ANKRD26: variants seen among roughly 807,000 people sequenced by gnomAD.
ANKRD26 encodes the protein ankyrin repeat domain 26, also known as ankyrin repeat domain-containing protein 26.
In ANKRD26, 141 loss-of-function variants were observed where a neutral mutation model predicts 208.7. The ratio of observed to expected loss-of-function variants is 0.68; its 90% CI spans 0.59 to 0.78. ANKRD26 has a LOEUF of 0.78. Among genes scored for constraint, ANKRD26 ranks in the 30% least tolerant of loss-of-function variants. The probability of loss-of-function intolerance (pLI) is 0.00; values close to 1 mark genes in which losing one functional copy is unlikely to be tolerated. For synonymous variants in ANKRD26, 636 were observed against 660.4 expected, an observed-to-expected ratio of 0.96 and a Z score of 0.57; for missense variants, 1,889 against 1,938.7, an observed-to-expected ratio of 0.97 and a Z score of 0.48.
At chr10:27,071,149 T>C (rs1360627132) in intron 9 of ANKRD26, among the ~76,000 whole-genome samples, 3 of 150,472 alleles carry the variant, frequency 2.0e-5, no homozygotes, top group Admixed American at 1.3e-4. Context: ...AATAAACAAT[T>C]GCTACATTCA....
chr10:27,014,758 A>G (rs755508253), intron 30 of ANKRD26, 47 bp from the exon 31 acceptor site: 3 of 1,507,018 alleles, frequency 2.0e-6, no homozygotes, highest in Non-Finnish European at 2.7e-6. Context: ...TAACCTGAGT[A>G]AGACCATGGT....
At chr10:26,983,934 C>A (rs187083475) in intron 3 of ANKRD26, among the ~76,000 whole-genome samples, 3 of 152,242 alleles carry the variant, frequency 2.0e-5, no homozygotes, top group Admixed American at 2.0e-4. Flanking sequence ...TCATGACAGG[C>A]TGGAGCCACT....
chr10:26,985,561 T>C (rs1000599181), intron 3 of ANKRD26, among the ~76,000 whole-genome samples: 9 of 152,200 alleles, frequency 5.9e-5, no homozygotes, highest in African/African-American at 2.2e-4. Context: ...GCTGGTGGCT[T>C]AAATTCTGCT....
At chr10:26,978,953 T>C (rs972549576) in intron 5 of ANKRD26, among the ~76,000 whole-genome samples, 4 of 152,208 alleles carry the variant, frequency 2.6e-5, no homozygotes, top group African/African-American at 9.6e-5. Context: ...CCGGGCGCGA[T>C]GGCTCAAGCC....
At position 27,006,951 on chromosome 10, in the gene ANKRD26, C is replaced by A. The variant is rs770213821; in HGVS notation, c.4965G>T (p.Glu1655Asp). The change falls in exon 33 of 34, where the codon GAG becomes GAT. Residue 1655 changes from glutamate (E) to aspartate (D), a missense_variant. By Grantham distance (45) the Glu-to-Asp change is conservative. This residue lies in a region of ANKRD26 where 613 missense variants were observed against 648.2 expected (regional missense o/e 0.95). Transcript: ENST00000376087. ...MENYLSKMQQELEKNITRELK... is the reference protein window; with the variant it reads ...MENYLSKMQQDLEKNITRELK... ...GTTCTCTAGTTATATTTTTTTCCAA[C>A]TCCTGCTGCATCTGAAAAAAGTCAA... is the stretch of plus-strand genomic sequence containing the variant. 2 of 1,609,900 alleles carry A rather than the reference C, an allele frequency of 1.2e-6. No individual in the cohort carries two copies. Among genetic ancestry groups the A allele is most frequent in the Non-Finnish European group, 1.7e-6 (2 of 1,177,244 alleles).
chr10:27,006,160 C>T (rs2052871610), intron 33 of ANKRD26, among the ~76,000 whole-genome samples: 2 of 152,174 alleles, frequency 1.3e-5, no homozygotes, highest in South Asian at 2.1e-4. Context: ...GAGTCAATAA[C>T]GTAGGCTTTT....
chr10:27,028,790 C>T, intron 27 of ANKRD26, 62 bp downstream of exon 27: 1 of 1,352,860 alleles, frequency 7.4e-7, no homozygotes, highest in Admixed American at 1.7e-5. Context: ...GGATACTCAA[C>T]TTGTCCTACT....
downstream of ANKRD26, among the ~76,000 whole-genome samples, chr10:26,968,797 G>A (rs1332051751): frequency 6.6e-6 from 1 of 152,078 alleles, no homozygotes; most frequent in Non-Finnish European, 1.5e-5. Context: ...ACCCTAAGTT[G>A]CTTTTTATTA....
At chr10:27,058,370 C>G (rs774544297) in intron 15 of ANKRD26, among the ~76,000 whole-genome samples, 1 of 152,078 alleles carries the variant, frequency 6.6e-6, no homozygotes, top group Non-Finnish European at 1.5e-5. Context: ...TAGACTTTTT[C>G]GAAGCTAGGA....
Position 27,058,581 on chromosome 10 carries a change from G to A in ANKRD26, c.1564+1764C>T, listed in dbSNP as rs558059052. ...TCATTTCAAAAATGAACTCCACCAT[G>A]ATTTTTTTTTTTTTCAGACCAGTCT... On this transcript the variant is annotated intron_variant, in intron 15 of 33. Transcript: ENST00000376087. 6.8e-5 allele frequency among the ~76,000 whole-genome samples: 10 copies of A among 147,008 alleles called. No individual in the cohort carries two copies. In the South Asian group the frequency reaches 1.9e-3, roughly 28 times the overall value.
At chr10:27,045,880 C>T (rs913143737) in intron 18 of ANKRD26, among the ~76,000 whole-genome samples, 5 of 152,130 alleles carry the variant, frequency 3.3e-5, no homozygotes, top group African/African-American at 1.2e-4. Flanking sequence ...CAAAAAACTA[C>T]ATTAATAGAA....
At chr10:27,012,550 C>T (rs750690783) in intron 32 of ANKRD26, among the ~76,000 whole-genome samples, 2 of 152,098 alleles carry the variant, frequency 1.3e-5, no homozygotes, top group African/African-American at 2.4e-5. Flanking sequence ...CATGGTGGCT[C>T]ACACCTGTAA....
In ANKRD26 at chr10:27,037,360, T is replaced by G. The variant is rs778571354; in HGVS notation, c.2560-37A>C. 4.3e-6 allele frequency: 7 copies of G among 1,611,200 alleles called. No homozygotes were observed. In the Admixed American group the frequency reaches 1.2e-4, roughly 27 times the overall value. On this transcript the variant is annotated intron_variant, in intron 22 of 33. Coordinates refer to ENST00000376087, the MANE Select transcript of ANKRD26 (RefSeq NM_014915.3). ...TTAAGTTTTAGGTCTATTAGCATTT[T>G]GTAAAAGTCTAAAAGGTTAACAAGA...
Position 27,085,379 on chromosome 10 carries a change from G to A in ANKRD26, c.709+1160C>T, listed in dbSNP as rs904675045. On this transcript the variant is annotated intron_variant, in intron 5 of 33. Coordinates refer to ENST00000376087, the MANE Select transcript of ANKRD26 (RefSeq NM_014915.3). ...CTCTCAAAGTGCTGGGATTACAGGCGTGAGCCACCGCACCTGGCCAGAAGA... is the reference window on the plus strand; with the variant it reads ...CTCTCAAAGTGCTGGGATTACAGGCATGAGCCACCGCACCTGGCCAGAAGA... Among the ~76,000 whole-genome samples the A allele has an allele frequency of 7.2e-5, 11 of 152,218 alleles. No individual in the cohort carries two copies. In the East Asian group the frequency reaches 2.1e-3, roughly 29 times the overall value.
At chr10:27,097,751 G>C (rs932891697) in intron 1 of ANKRD26, among the ~76,000 whole-genome samples, 1 of 152,058 alleles carries the variant, frequency 6.6e-6, no homozygotes, top group African/African-American at 2.4e-5. Context: ...CCAGGTGCAC[G>C]CTATTCTACT....
intron 15 of ANKRD26, among the ~76,000 whole-genome samples, chr10:27,056,062 T>G (rs2054827896): frequency 6.6e-6 from 1 of 152,210 alleles, no homozygotes. Context: ...TCTTTGTGAT[T>G]CATAGATTGT....
intron 3 of ANKRD26, among the ~76,000 whole-genome samples, chr10:26,983,509 A>G (rs1474974838): frequency 6.6e-6 from 1 of 152,144 alleles, no homozygotes; most frequent in Non-Finnish European, 1.5e-5. Context: ...ATATGGTCAC[A>G]ATGTTCTCCA....
intron 1 of ANKRD26, among the ~76,000 whole-genome samples, chr10:27,094,846 A>T (rs2056414658): frequency 1.3e-5 from 2 of 152,130 alleles, no homozygotes; most frequent in Non-Finnish European, 2.9e-5. Flanking sequence ...ATAAAAATTT[A>T]AAAAGTAGCC....
chr10:27,025,838 T>C (rs1277674015), intron 27 of ANKRD26, among the ~76,000 whole-genome samples: 1 of 152,210 alleles, frequency 6.6e-6, no homozygotes, highest in Non-Finnish European at 1.5e-5. Context: ...GGTCTCTTCC[T>C]TCTGTTTCAC....
Sources: gnomAD v4.1 joint callset for allele counts (sites outside exome capture counted in the v4.1 genomes callset) on GRCh38, gnomAD v4.1.1 for gene constraint, gnomAD v4.1.1 regional missense constraint, MANE v1.5 for transcripts, NCBI Gene and HGNC (gene_info 2026-07-23, HGNC 2026-07-21) for gene names.